Variants in CLEC19A observed in about 807,000 individuals in gnomAD.
CLEC19A encodes C-type lectin domain containing 19A.
CLEC19A carries 21 observed loss-of-function variants against 26.1 expected under a neutral mutation model. That is an observed-to-expected ratio of 0.80 (90% confidence interval 0.57 to 1.16). CLEC19A has a LOEUF of 1.16. Among genes scored for constraint, CLEC19A ranks in the 50% most tolerant of loss-of-function variants. CLEC19A has a pLI of 0.00. For synonymous variants in CLEC19A, 89 were observed against 88.6 expected, an observed-to-expected ratio of 1.00 and a Z score of -0.03; for missense variants, 224 against 227.6, an observed-to-expected ratio of 0.98 and a Z score of 0.10.
chr16:19,308,932 G>C (rs1022742102), intron 4 of CLEC19A, 72 bp from the exon 5 acceptor site: 2 of 1,246,846 alleles, frequency 1.6e-6, no homozygotes, highest in Admixed American at 4.0e-5. Context: ...TTTTACTTCA[G>C]AGGAGTGGTG....
chr16:19,289,855 G>T (rs1426694835), intron 1 of CLEC19A, among the ~76,000 whole-genome samples: 1 of 152,206 alleles, frequency 6.6e-6, no homozygotes, highest in African/African-American at 2.4e-5. Flanking sequence ...CAGCAGGAGG[G>T]CACTGAGGGT....
rs546298204 is a variant in CLEC19A at position 19,294,244 on chromosome 16, C to T, written c.89-4429C>T. Among the ~76,000 whole-genome samples the T allele has an allele frequency of 3.1e-4, 47 of 152,262 alleles. No homozygotes were observed. In the East Asian group the frequency reaches 8.7e-3, roughly 28 times the overall value. Reference sequence around the variant, plus strand: ...TGAGACTACAAGCTCTTCCCACTACCGCCGTGCAGAAAGGTCACATGAACA... The same window carrying T: ...TGAGACTACAAGCTCTTCCCACTACTGCCGTGCAGAAAGGTCACATGAACA... On this transcript the variant is annotated intron_variant, in intron 1 of 4. Coordinates refer to ENST00000636231, the MANE Select transcript of CLEC19A (RefSeq NM_001256720.2).
Position 19,298,661 on chromosome 16 carries a change from T to G in CLEC19A, c.89-12T>G. 6.4e-7 allele frequency: 1 copy of G among 1,550,632 alleles called. No individual in the cohort carries two copies. The highest frequency in any genetic ancestry group is 1.2e-5 in the South Asian group (1 of 84,000). On this transcript the variant is annotated splice_polypyrimidine_tract_variant and intron_variant, in intron 1 of 4. Transcript: ENST00000636231. The stretch of plus-strand genomic sequence containing the variant: ...CAACCTTCCTCCCAGTCTGTTTCCT[T>G]TCTGCCCCCAGCCCTGCCAGAGCTG...
intron 4 of CLEC19A, among the ~76,000 whole-genome samples, chr16:19,308,727 C>G (rs1307292925): frequency 6.6e-6 from 1 of 152,098 alleles, no homozygotes; most frequent in Non-Finnish European, 1.5e-5. Flanking sequence ...AGGTAGAGAA[C>G]AGCTTATTTT....
At chr16:19,299,475 C>T (rs1424614609) in intron 2 of CLEC19A, among the ~76,000 whole-genome samples, 1 of 152,208 alleles carries the variant, frequency 6.6e-6, no homozygotes, top group Non-Finnish European at 1.5e-5. Context: ...ATAGCCCACC[C>T]TCCAAGGCCT....
intron 1 of CLEC19A, among the ~76,000 whole-genome samples, chr16:19,294,733 C>G (rs1331291397): frequency 6.6e-6 from 1 of 152,218 alleles, no homozygotes; most frequent in African/African-American, 2.4e-5. Context: ...ATTAGTAATA[C>G]ATTTTAACTC....
At chr16:19,288,155 C>T (rs1032635886) in intron 1 of CLEC19A, among the ~76,000 whole-genome samples, 4 of 152,214 alleles carry the variant, frequency 2.6e-5, no homozygotes, top group Admixed American at 6.5e-5. Context: ...TCATCACTGT[C>T]CAAGTGGCAG....
chr16:19,286,025 G>T (rs1232354811), intron 1 of CLEC19A, 86 bp downstream of exon 1: 9 of 1,316,452 alleles, frequency 6.8e-6, no homozygotes, highest in Non-Finnish European at 9.5e-6. Context: ...GGCAGCTTCT[G>T]TTGGGGGGTT....
At chr16:19,302,077 G>A (rs759784511) in intron 2 of CLEC19A, among the ~76,000 whole-genome samples, 5 of 152,084 alleles carry the variant, frequency 3.3e-5, no homozygotes, top group Non-Finnish European at 5.9e-5. Flanking sequence ...CTTTCTGAGA[G>A]TGAGCAAGGC....
chr16:19,306,774 G>T (rs916807033), intron 3 of CLEC19A, among the ~76,000 whole-genome samples: 2 of 152,112 alleles, frequency 1.3e-5, no homozygotes, highest in African/African-American at 4.8e-5. Flanking sequence ...GCTCAGAGAG[G>T]TTAAGTAACT....
chr16:19,308,633 A>G, intron 4 of CLEC19A, among the ~76,000 whole-genome samples: 1 of 152,226 alleles, frequency 6.6e-6, no homozygotes. Flanking sequence ...CTGGGTTTCA[A>G]ATCTAGATCT....
intron 2 of CLEC19A, among the ~76,000 whole-genome samples, chr16:19,301,219 C>G (rs1254550274): frequency 6.6e-6 from 1 of 152,194 alleles, no homozygotes; most frequent in Non-Finnish European, 1.5e-5. Flanking sequence ...CAGAAGGACC[C>G]TGAACATGGA....
intron 2 of CLEC19A, among the ~76,000 whole-genome samples, chr16:19,300,821 G>C (rs953599969): frequency 6.6e-6 from 1 of 152,180 alleles, no homozygotes; most frequent in African/African-American, 2.4e-5. Context: ...CCAATTCCAT[G>C]CCTGAGTTGG....
chr16:19,307,798 C>A, intron 4 of CLEC19A, 121 bp downstream of exon 4: 1 of 1,355,336 alleles, frequency 7.4e-7, no homozygotes, highest in Non-Finnish European at 1.0e-6. Flanking sequence ...GCAAATTGTT[C>A]AGCACCTTGG....
chr16:19,291,139 G>T (rs1168872231), intron 1 of CLEC19A, among the ~76,000 whole-genome samples: 2 of 152,142 alleles, frequency 1.3e-5, no homozygotes, highest in East Asian at 1.9e-4. Flanking sequence ...ACTGCACCTG[G>T]CCTGTGCTTA....
At chr16:19,308,009 A>G (rs1376119466) in intron 4 of CLEC19A, among the ~76,000 whole-genome samples, 1 of 152,242 alleles carries the variant, frequency 6.6e-6, no homozygotes, top group Admixed American at 6.5e-5. Flanking sequence ...TCAACAACAC[A>G]TCAAAGTGCA....
At position 19,285,798 on chromosome 16, in the gene CLEC19A, C is replaced by CA; in HGVS notation, c.-49dup. On this transcript the variant is annotated 5_prime_UTR_variant, in exon 1 of 5. Transcript: ENST00000636231. ...AGCAATCCTGGACCCAAGCTCCAGCCAAAAAGCCTCTCTCCTCCACTCAGG... is the reference window on the plus strand; with the variant it reads ...AGCAATCCTGGACCCAAGCTCCAGCCAAAAAAGCCTCTCTCCTCCACTCAGG... 1 of 1,503,878 alleles carries CA rather than the reference C, an allele frequency of 6.6e-7. No homozygotes were observed. Among genetic ancestry groups the CA allele is most frequent in the Non-Finnish European group, 9.0e-7 (1 of 1,105,892 alleles). The allele number at this position is 1,503,878 out of a possible 1,614,324, so 93.2% of individuals were successfully genotyped here. A position where few individuals can be genotyped will look rare whatever the true frequency, so the allele number is the denominator to read the frequency against.
At position 19,304,097 on chromosome 16, in the gene CLEC19A, A is replaced by G; in HGVS notation, c.290A>G (p.Asn97Ser). The G allele has an allele frequency of 6.4e-7, 1 of 1,550,570 alleles. No homozygotes were observed. Among genetic ancestry groups the G allele is most frequent in the Non-Finnish European group, 8.7e-7 (1 of 1,146,962 alleles). Residue 97 changes from asparagine to serine, a missense_variant, in exon 3 of 5, where the codon AAC becomes AGC. By Grantham distance (46) the Asn-to-Ser change is conservative. Coordinates refer to ENST00000636231, the MANE Select transcript of CLEC19A (RefSeq NM_001256720.2). ...AATGTCTTTGTATATGACCTCGTGA[A>G]CAGCTGTGTTCCCGGCATCCCAGCT... ...EENVFVYDLV[N>S]SCVPGIPADV...
At chr16:19,306,545 G>A (rs1217225956) in intron 3 of CLEC19A, among the ~76,000 whole-genome samples, 1 of 151,834 alleles carries the variant, frequency 6.6e-6, no homozygotes, top group Non-Finnish European at 1.5e-5. Flanking sequence ...CTCTAAAATT[G>A]GATTATAATT....
Sources: allele counts gnomAD v4.1 joint callset (sites outside exome capture counted in the v4.1 genomes callset), GRCh38; gene constraint gnomAD v4.1.1; transcripts MANE v1.5; gene names NCBI Gene and HGNC (gene_info 2026-07-23, HGNC 2026-07-21).